EPHA10: variants seen among roughly 807,000 people sequenced by gnomAD.
EPHA10 encodes ephrin type-A receptor 10.
Under a neutral mutation model 109.7 loss-of-function variants are expected in EPHA10, and 120 were observed. The ratio of observed to expected loss-of-function variants is 1.09; its 90% CI spans 0.94 to 1.27. The LOEUF is 1.27. EPHA10 is among the 50% of genes most tolerant of loss of function. The pLI is 0.00. For synonymous variants in EPHA10, 640 were observed against 618.9 expected (o/e 1.03, Z -0.51); for missense variants, 1,396 against 1,411.1 (o/e 0.99, Z 0.17).
intron 3 of EPHA10, among the ~76,000 whole-genome samples, chr1:37,759,980 C>T (rs550440505): frequency 2.6e-5 from 4 of 152,260 alleles, no homozygotes; most frequent in South Asian, 4.1e-4. Flanking sequence ...TTACAATTTC[C>T]GCAGGGAGGA....
chr1:37,747,324 G>C (rs933900134), intron 5 of EPHA10, among the ~76,000 whole-genome samples: 3 of 152,162 alleles, frequency 2.0e-5, no homozygotes, highest in African/African-American at 7.2e-5. Context: ...GCCAAGGCAG[G>C]TAGATTGCTT....
At chr1:37,713,969 A>G (rs1645657796), downstream of EPHA10, 1 of 152,230 alleles carries the variant, frequency 6.6e-6, no homozygotes, top group African/African-American at 2.4e-5. Context: ...GGATGGCACA[A>G]CATAGTTGGC....
intron 11 of EPHA10, among the ~76,000 whole-genome samples, chr1:37,721,379 G>T (rs1280458651): frequency 6.9e-6 from 1 of 144,386 alleles, no homozygotes; most frequent in Non-Finnish European, 1.5e-5. Context: ...AGTGAGCCGA[G>T]ATCTCACCAC....
intron 7 of EPHA10, among the ~76,000 whole-genome samples, chr1:37,727,873 C>T (rs951908960): frequency 4.6e-5 from 7 of 152,216 alleles, no homozygotes; most frequent in African/African-American, 1.4e-4. Flanking sequence ...AGGACCCTCG[C>T]TCTCAGCCCT....
intron 7 of EPHA10, among the ~76,000 whole-genome samples, chr1:37,728,496 T>C (rs1645930886): frequency 6.6e-6 from 1 of 152,136 alleles, no homozygotes; most frequent in Non-Finnish European, 1.5e-5. Context: ...GATTGGAAAG[T>C]ACACCTCTTT....
Position 37,721,823 on chromosome 1 carries a change from A to G in EPHA10, c.1983T>C (p.Cys661=), listed in dbSNP as rs1172209450. 1 of 1,606,518 alleles carries G rather than the reference A, an allele frequency of 6.2e-7. No homozygotes were observed. Among genetic ancestry groups the G allele is most frequent in the East Asian group, 2.2e-5 (1 of 44,706 alleles). The change falls in exon 11 of 17, where the codon TGT becomes TGC. Residue 661 remains cysteine (C), a synonymous_variant. Coordinates refer to ENST00000373048, the MANE Select transcript of EPHA10 (RefSeq NM_001099439.2). ...GGCGACCGGGGAGCTGCAAGCAGCC[A>G]CAGCACAGCTCCCCAAACCGCCCTG... ...LGGGRFGELC[C]GCLQLPGRQE...
Position 37,753,122 on chromosome 1 carries a change from C to A in EPHA10, c.1111G>T (p.Val371Phe). ...PPADSGGRSD[V>F]TYSLLCLRCG... ...CGCAGGCACAGCAGCGAGTAGGTGA[C>A]GTCCGAGCGGCCTCCCGAGTCGGCC... The change falls in exon 5 of 17, where the codon GTC (valine) becomes TTC (phenylalanine). Residue 371 changes from valine (V) to phenylalanine (F), a missense_variant. By Grantham distance (50) the Val-to-Phe change is conservative. Transcript: ENST00000373048. 1 of 1,403,026 alleles carries A rather than the reference C, an allele frequency of 7.1e-7. No homozygotes were observed. Among genetic ancestry groups the A allele is most frequent in the South Asian group, 1.5e-5 (1 of 67,638 alleles). The allele number at this position is 1,403,026 out of a possible 1,614,324, so 86.9% of individuals were successfully genotyped here.
intron 5 of EPHA10, among the ~76,000 whole-genome samples, chr1:37,745,687 A>T (rs1484241867): frequency 6.6e-6 from 1 of 152,110 alleles, no homozygotes; most frequent in Non-Finnish European, 1.5e-5. Flanking sequence ...TGTCTCTGCT[A>T]AAAAATACAA....
chr1:37,727,488 A>G (rs987081170), intron 7 of EPHA10, among the ~76,000 whole-genome samples: 1 of 152,182 alleles, frequency 6.6e-6, no homozygotes, highest in Non-Finnish European at 1.5e-5. Context: ...GCCTCCCTCT[A>G]TGCCTTTCAG....
intron 5 of EPHA10, among the ~76,000 whole-genome samples, chr1:37,742,926 T>G (rs1646176821): frequency 6.6e-6 from 1 of 152,046 alleles, no homozygotes; most frequent in African/African-American, 2.4e-5. Flanking sequence ...CCCCAGGAAT[T>G]TGAGGTTACA....
rs932062016 is a variant in EPHA10 at position 37,717,012 on chromosome 1, C to G, written c.*1360G>C. 8.6e-6 allele frequency: 2 copies of G among 232,454 alleles called. No homozygotes were observed. The highest frequency in any genetic ancestry group is 1.7e-5 in the Non-Finnish European group (2 of 117,870). 14.4% of individuals were successfully genotyped at this position (232,454 alleles called of 1,614,324 possible). A position where few individuals can be genotyped will look rare whatever the true frequency, so the allele number is the denominator to read the frequency against. ...TGTCTTTTTCATCTTTACCTCTTGT[C>G]TCCTCTTTCCCGCCCCATCCCACCC... On this transcript the variant is annotated 3_prime_UTR_variant, in exon 17 of 17. Transcript: ENST00000373048.
At chr1:37,740,614 ATTTTTT>A (rs1436425675) in intron 5 of EPHA10, among the ~76,000 whole-genome samples, 1 of 152,036 alleles carries the variant, frequency 6.6e-6, no homozygotes, top group African/African-American at 2.4e-5. Flanking sequence ...CAGTTGCTTT[ATTTTTT>A]AAGTTTCTTG....
chr1:37,719,723 C>T (rs1017087730), intron 14 of EPHA10, 116 bp from the exon 15 acceptor site: 8 of 1,398,558 alleles, frequency 5.7e-6, no homozygotes, highest in Non-Finnish European at 6.9e-6. Flanking sequence ...TGCGCACACA[C>T]AGACACAGAC....
chr1:37,715,867 A>G (rs1449034384), downstream of EPHA10: 1 of 551,428 alleles, frequency 1.8e-6, no homozygotes, highest in Non-Finnish European at 3.6e-6. Flanking sequence ...CTATGCAGAG[A>G]GATCTCAGAC....
intron 8 of EPHA10, among the ~76,000 whole-genome samples, chr1:37,724,378 C>G (rs1386043350): frequency 6.6e-6 from 1 of 152,008 alleles, no homozygotes; most frequent in African/African-American, 2.4e-5. Flanking sequence ...GTGTGTGTGT[C>G]TGGAGCTTGG....
At chr1:37,730,186 G>A (rs1016317228) in intron 7 of EPHA10, among the ~76,000 whole-genome samples, 2 of 152,140 alleles carry the variant, frequency 1.3e-5, no homozygotes, top group South Asian at 2.1e-4. Context: ...TCCAGCACCT[G>A]GCCGAGGTCT....
chr1:37,735,700 G>A (rs182894449), intron 5 of EPHA10, among the ~76,000 whole-genome samples: 3 of 152,156 alleles, frequency 2.0e-5, no homozygotes, highest in African/African-American at 2.4e-5. Flanking sequence ...CATGGTGGTC[G>A]GCTCTAATCC....
chr1:37,731,039 C>T (rs563654956), intron 7 of EPHA10, among the ~76,000 whole-genome samples: 29 of 152,222 alleles, frequency 1.9e-4, no homozygotes, highest in African/African-American at 6.7e-4. Flanking sequence ...CCCTTCATGT[C>T]CATCAACCTT....
intron 8 of EPHA10, among the ~76,000 whole-genome samples, chr1:37,726,242 A>T (rs948900087): frequency 2.0e-5 from 3 of 152,230 alleles, no homozygotes; most frequent in Admixed American, 2.0e-4. Flanking sequence ...TCCACGAGCA[A>T]GGAACTCCCT....
Sources: gnomAD v4.1 joint callset for allele counts (sites outside exome capture counted in the v4.1 genomes callset) on GRCh38, gnomAD v4.1.1 for gene constraint, MANE v1.5 for transcripts, NCBI Gene and HGNC (gene_info 2026-07-23, HGNC 2026-07-21) for gene names.